TINAGL1: variants seen among roughly 807,000 people sequenced by gnomAD.
TINAGL1 encodes the protein tubulointerstitial nephritis antigen like 1, also known as tubulointerstitial nephritis antigen-like.
TINAGL1 carries 34 observed loss-of-function variants against 62.0 expected under a neutral mutation model. That is an observed-to-expected ratio of 0.55 (90% CI 0.42 to 0.73). The LOEUF (loss-of-function observed/expected upper bound fraction) is 0.73, where lower values mean the gene tolerates loss of function less well. Among genes scored for constraint, TINAGL1 ranks in the 30% least tolerant of loss-of-function variants. TINAGL1 has a pLI of 0.00. For synonymous variants in TINAGL1, 221 were observed against 249.7 expected, an observed-to-expected ratio of 0.88 and a Z score of 1.08; for missense variants, 516 against 653.2, an observed-to-expected ratio of 0.79 and a Z score of 2.29.
At position 31,585,819 on chromosome 1, in the gene TINAGL1, G is replaced by C; in HGVS notation, c.1160G>C (p.Ser387Thr). The change falls in exon 10 of 12, where the codon AGC becomes ACC. Residue 387 changes from serine (S) to threonine (T), a missense_variant. By Grantham distance (58) the Ser-to-Thr change is moderately conservative (BLOSUM62 1). Transcript: ENST00000271064. The surrounding 1 kb of genome is among the most constrained non-coding windows in gnomAD (Gnocchi z 4.3). ...GGCATCTACAGCCACACGCCAGTGA[G>C]CCTTGGGAGGCCAGAGAGATACCGC... ...KGGIYSHTPV[S>T]LGRPERYRRH... 6.2e-7 allele frequency: 1 copy of C among 1,612,194 alleles called. No individual in the cohort carries two copies. Among genetic ancestry groups the C allele is most frequent in the Non-Finnish European group, 8.5e-7 (1 of 1,179,182 alleles).
chr1:31,578,898 G>GTGTGTGT (rs1639110350), intron 2 of TINAGL1, among the ~76,000 whole-genome samples: 1 of 141,950 alleles, frequency 7.0e-6, no homozygotes, highest in Non-Finnish European at 1.5e-5. Flanking sequence ...GTGTGTGTGT[G>GTGTGTGT]ATATCTTCAG....
At position 31,585,048 on chromosome 1, in the gene TINAGL1, C is replaced by T. The variant is rs372358877; in HGVS notation, c.857+12C>T. ...CTGCGTCGCCGAGGGTATGCAGCAA[C>T]AGGGGATGTGGGCAGAGAAGAGGGC... On this transcript the variant is annotated intron_variant, in intron 7 of 11. Transcript: ENST00000271064. This position sits in a 1 kb window ranked among gnomAD's most constrained non-coding sequence, Gnocchi z 4.3. The T allele has an allele frequency of 3.2e-5, 51 of 1,588,800 alleles. No individual in the cohort carries two copies. The highest frequency in any genetic ancestry group is 4.2e-5 in the Non-Finnish European group (49 of 1,163,338).
At position 31,577,039 on chromosome 1, in the gene TINAGL1, T is replaced by G; in HGVS notation, c.-15-95T>G. ...ACTCAGGAATCGGGATCTCCCTCCCTGCTGGGCCCTCTTGAACTCACAGCT... is the reference window on the plus strand; with the variant it reads ...ACTCAGGAATCGGGATCTCCCTCCCGGCTGGGCCCTCTTGAACTCACAGCT... On this transcript the variant is annotated intron_variant, in intron 1 of 11. Coordinates refer to ENST00000271064, the MANE Select transcript of TINAGL1 (RefSeq NM_022164.3). This position sits in a 1 kb window ranked among gnomAD's most constrained non-coding sequence, Gnocchi z 5.4. 8.6e-7 allele frequency: 1 copy of G among 1,166,018 alleles called. No individual in the cohort carries two copies. The highest frequency in any genetic ancestry group is 1.2e-6 in the Non-Finnish European group (1 of 858,490). The allele number at this position is 1,166,018 out of a possible 1,614,324, so 72.2% of individuals were successfully genotyped here.
At chr1:31,579,091 G>C (rs1017951439) in intron 2 of TINAGL1, 113 bp from the exon 3 acceptor site, 1 of 758,140 alleles carries the variant, frequency 1.3e-6, no homozygotes, top group Non-Finnish European at 2.4e-6. Context: ...GACAGAGAGA[G>C]AGAAAGAGAG....
At position 31,586,896 on chromosome 1, in the gene TINAGL1, C is replaced by A. The variant is rs1023978768; in HGVS notation, c.1321C>A (p.Arg441Ser). ...CGAGAGGGGCCACTTCCGCATCGTG[C>A]GCGGCGTCAATGAGTGCGACATCGA... is the stretch of plus-strand genomic sequence containing the variant. ...WGERGHFRIV[R>S]GVNECDIESF... Residue 441 changes from arginine to serine, a missense_variant, in exon 12 of 12, where the codon CGC becomes AGC. Coordinates refer to ENST00000271064, the MANE Select transcript of TINAGL1 (RefSeq NM_022164.3). 6.5e-7 allele frequency: 1 copy of A among 1,548,342 alleles called. No individual in the cohort carries two copies.
Position 31,587,052 on chromosome 1 carries a change from G to T in TINAGL1, c.*73G>T, listed in dbSNP as rs565545794. 7.9e-6 allele frequency: 11 copies of T among 1,384,000 alleles called. No individual in the cohort carries two copies. In the East Asian group the frequency reaches 2.9e-4, roughly 37 times the overall value. The allele number at this position is 1,384,000 out of a possible 1,614,324, so 85.7% of individuals were successfully genotyped here. On this transcript the variant is annotated 3_prime_UTR_variant, in exon 12 of 12. Transcript: ENST00000271064. Reference sequence around the variant, plus strand: ...CGGCGGAAGAGGCCCCAATGGGGCGGTGACCCCAGCCTCGCCCGACAGAGC... The same window carrying T: ...CGGCGGAAGAGGCCCCAATGGGGCGTTGACCCCAGCCTCGCCCGACAGAGC...
chr1:31,585,079 G>T lies in TINAGL1; in HGVS notation c.857+43G>T. 1 of 1,569,950 alleles carries T rather than the reference G, an allele frequency of 6.4e-7. No homozygotes were observed. The highest frequency in any genetic ancestry group is 8.7e-7 in the Non-Finnish European group (1 of 1,154,032). ...ATGTGGGCAGAGAAGAGGGCAAGGA[G>T]CTCCGTGGGCATGGCCTGGGCCATG... On this transcript the variant is annotated intron_variant, in intron 7 of 11. Coordinates refer to ENST00000271064, the MANE Select transcript of TINAGL1 (RefSeq NM_022164.3). The surrounding 1 kb of genome is among the most constrained non-coding windows in gnomAD (Gnocchi z 4.3).
chr1:31,584,626 G>A lies in TINAGL1; in HGVS notation c.583-52G>A. On this transcript the variant is annotated intron_variant, in intron 5 of 11. Coordinates refer to ENST00000271064, the MANE Select transcript of TINAGL1 (RefSeq NM_022164.3). This position sits in a 1 kb window ranked among gnomAD's most constrained non-coding sequence, Gnocchi z 4.0. Reference sequence around the variant, plus strand: ...CCCTCCAGTGCCAATGGGCACCTGAGGGGCAGGCCAGGGCAGAGCAGGAGG... The same window carrying A: ...CCCTCCAGTGCCAATGGGCACCTGAAGGGCAGGCCAGGGCAGAGCAGGAGG... 7 of 1,610,774 alleles carry A rather than the reference G, an allele frequency of 4.3e-6. No homozygotes were observed. The highest frequency in any genetic ancestry group is 1.7e-6 in the Non-Finnish European group (2 of 1,178,878).
chr1:31,579,998 C>T (rs367700656), intron 3 of TINAGL1, among the ~76,000 whole-genome samples: 52 of 152,048 alleles, frequency 3.4e-4, no homozygotes, highest in African/African-American at 1.1e-3. Flanking sequence ...GAGGGGTGCC[C>T]GGGTCACAGT....
At position 31,583,049 on chromosome 1, in the gene TINAGL1, T is replaced by C; in HGVS notation, c.375-100T>C. The C allele has an allele frequency of 9.7e-7, 1 of 1,027,442 alleles. No homozygotes were observed. Among genetic ancestry groups the C allele is most frequent in the Non-Finnish European group, 1.5e-6 (1 of 652,252 alleles). 63.6% of individuals were successfully genotyped at this position (1,027,442 alleles called of 1,614,324 possible). On this transcript the variant is annotated intron_variant, in intron 3 of 11. Coordinates refer to ENST00000271064, the MANE Select transcript of TINAGL1 (RefSeq NM_022164.3). This position sits in a 1 kb window ranked among gnomAD's most constrained non-coding sequence, Gnocchi z 4.4. ...CACCTAGAGATTCTCCCACAGTCAC[T>C]TGCACAGACTCCCTGGCCCATGTTA...
chr1:31,579,428 T>G (rs1639142577), intron 3 of TINAGL1, among the ~76,000 whole-genome samples, 161 bp downstream of exon 3: 1 of 152,188 alleles, frequency 6.6e-6, no homozygotes, highest in African/African-American at 2.4e-5. Context: ...ACTGACCAAG[T>G]CAACTTATCT....
At chr1:31,579,382 C>A in intron 3 of TINAGL1, 115 bp downstream of exon 3, 1 of 836,676 alleles carries the variant, frequency 1.2e-6, no homozygotes, top group Non-Finnish European at 2.0e-6. Flanking sequence ...CTTCTTTGAA[C>A]CTCAGTTTCC....
chr1:31,586,954 G>GCATGGAGGA lies in TINAGL1; in HGVS notation c.1385_1393dup (p.Glu462_Met464dup). On this transcript the variant is annotated inframe_insertion, in exon 12 of 12. Transcript: ENST00000271064. ...GTGCTGGGCGTCTGGGGCCGCGTGG[G>GCATGGAGGA]CATGGAGGACATGGGTCATCACTGA... 6.5e-6 allele frequency: 10 copies of GCATGGAGGA among 1,531,680 alleles called. No homozygotes were observed. The highest frequency in any genetic ancestry group is 8.7e-6 in the Non-Finnish European group (10 of 1,143,408). The allele number at this position is 1,531,680 out of a possible 1,614,324, so 94.9% of individuals were successfully genotyped here.
rs1042339645 is a variant in TINAGL1 at position 31,583,508 on chromosome 1, A to G, written c.515A>G (p.Glu172Gly). Residue 172 changes from glutamate (E) to glycine (G), a missense_variant, in exon 5 of 12, where the codon GAG (glutamate) becomes GGG (glycine). Coordinates refer to ENST00000271064, the MANE Select transcript of TINAGL1 (RefSeq NM_022164.3). This position sits in a 1 kb window ranked among gnomAD's most constrained non-coding sequence, Gnocchi z 4.4. ...GCCTTCTGGGGCATGACCCTGGATGAGGGCATTCGCTACCGCCTGGGCACC... is the reference window on the plus strand; with the variant it reads ...GCCTTCTGGGGCATGACCCTGGATGGGGGCATTCGCTACCGCCTGGGCACC... ...HSAFWGMTLD[E>G]GIRYRLGTIR... The G allele has an allele frequency of 8.1e-6, 13 of 1,614,062 alleles. No individual in the cohort carries two copies. The highest frequency in any genetic ancestry group is 1.1e-5 in the Non-Finnish European group (13 of 1,180,004).
At chr1:31,578,939 TGGTA>T (rs1639113893) in intron 2 of TINAGL1, among the ~76,000 whole-genome samples, 1 of 83,858 alleles carries the variant, frequency 1.2e-5, no homozygotes, top group East Asian at 4.4e-4. Flanking sequence ...CAGTGAGAGC[TGGTA>T]TGTGTGTGTG....
chr1:31,577,247 G>A lies in TINAGL1; in HGVS notation c.99G>A (p.Pro33=), dbSNP rs374462955. 7.6e-5 allele frequency: 122 copies of A among 1,609,006 alleles called. No homozygotes were observed. Among genetic ancestry groups the A allele is most frequent in the Admixed American group, 2.3e-4 (14 of 59,842 alleles). The change falls in exon 2 of 12, where the codon CCG becomes CCA. Residue 33 remains proline, a synonymous_variant. Coordinates refer to ENST00000271064, the MANE Select transcript of TINAGL1 (RefSeq NM_022164.3). The surrounding 1 kb of genome is among the most constrained non-coding windows in gnomAD (Gnocchi z 5.4). The part of the protein sequence containing the change: ...QQGRGRRELA[P]GLHLRGIRDA... ...GTCGTGGGCGCCGGGAGCTAGCACC[G>A]GGTCTGCACCTGCGGGGCATCCGGG...
intron 2 of TINAGL1, chr1:31,578,075 C>A: frequency 1.1e-6 from 1 of 897,390 alleles, no homozygotes; most frequent in Non-Finnish European, 1.3e-6. Context: ...TCCCCATCTC[C>A]AAGCCCTAAC....
At chr1:31,581,909 C>A (rs769230900) in intron 3 of TINAGL1, among the ~76,000 whole-genome samples, 1 of 152,228 alleles carries the variant, frequency 6.6e-6, no homozygotes, top group Admixed American at 6.5e-5. Flanking sequence ...TGGCCTCAGT[C>A]ATTGACTCAG....
Position 31,583,270 on chromosome 1 carries a change from G to A in TINAGL1, c.467+29G>A, listed in dbSNP as rs371429868. 1.0e-5 allele frequency: 16 copies of A among 1,603,952 alleles called. No individual in the cohort carries two copies. Among genetic ancestry groups the A allele is most frequent in the Non-Finnish European group, 1.4e-5 (16 of 1,170,854 alleles). On this transcript the variant is annotated intron_variant, in intron 4 of 11. Coordinates refer to ENST00000271064, the MANE Select transcript of TINAGL1 (RefSeq NM_022164.3). This position sits in a 1 kb window ranked among gnomAD's most constrained non-coding sequence, Gnocchi z 4.4. ...AGAGGCCCTAGAGGCACCCTCAGTG[G>A]GCACACATGCATACTCATGCATGTA...
Sources: allele counts gnomAD v4.1 joint callset (sites outside exome capture counted in the v4.1 genomes callset), GRCh38; gene constraint gnomAD v4.1.1; non-coding constraint Gnocchi (gnomAD v3.1); transcripts MANE v1.5; gene names NCBI Gene and HGNC (gene_info 2026-07-23, HGNC 2026-07-21).